Variants in UMAD1 observed in about 807,000 individuals in gnomAD.
UMAD1 encodes the protein UBAP1-MVB12-associated (UMA)-domain containing protein 1.
Under a neutral mutation model 6.1 loss-of-function variants are expected in UMAD1, and 8 were observed. The observed-to-expected ratio is 1.30, with a 90% CI of 0.76 to 2.35. UMAD1 has a LOEUF of 2.35. UMAD1 is among the 30% of genes most tolerant of loss of function. The pLI is 0.00. For synonymous variants in UMAD1, 56 were observed against 31.4 expected, an observed-to-expected ratio of 1.78 and a Z score of -2.61; for missense variants, 130 against 78.4, an observed-to-expected ratio of 1.66 and a Z score of -2.49.
At chr7:7,731,336 G>A (rs1450196090) in intron 2 of UMAD1, among the ~76,000 whole-genome samples, 2 of 152,110 alleles carry the variant, frequency 1.3e-5, no homozygotes. Flanking sequence ...TATTGTAGTA[G>A]TGCAGGGCAT....
intron 3 of UMAD1, among the ~76,000 whole-genome samples, chr7:7,809,236 A>G (rs1782979326): frequency 6.6e-6 from 1 of 151,966 alleles, no homozygotes; most frequent in African/African-American, 2.4e-5. Flanking sequence ...TTTCAAACAC[A>G]CTTCTCAATT....
At chr7:7,661,563 G>A (rs749175483) in intron 1 of UMAD1, among the ~76,000 whole-genome samples, 17 of 152,094 alleles carry the variant, frequency 1.1e-4, no homozygotes, top group Non-Finnish European at 1.9e-4. Context: ...TGACAGGCCC[G>A]TGTGCTGCAG....
intron 3 of UMAD1, among the ~76,000 whole-genome samples, chr7:7,806,161 AACTAGGTC>A (rs1782909047): frequency 6.6e-6 from 1 of 152,138 alleles, no homozygotes; most frequent in Non-Finnish European, 1.5e-5. Flanking sequence ...CTCCTACACC[AACTAGGTC>A]CTCATCTGTT....
rs1370640613 is a variant in UMAD1 at position 7,878,495 on chromosome 7, T to TA, written c.*958dup. 1 of 152,230 alleles carries TA rather than the reference T, an allele frequency of 6.6e-6. No individual in the cohort carries two copies. The highest frequency in any genetic ancestry group is 1.5e-5 in the Non-Finnish European group (1 of 68,034). 9.4% of individuals were successfully genotyped at this position (152,230 alleles called of 1,614,324 possible). On this transcript the variant is annotated 3_prime_UTR_variant, in exon 4 of 4. Transcript: ENST00000682710. The stretch of plus-strand genomic sequence containing the variant: ...TTAGAGTATAGGCAGAACACCTAGA[T>TA]ATGACTTTTAGTTCTTGAATATCCA...
chr7:7,738,832 G>A (rs1030494871), intron 2 of UMAD1: 2 of 152,226 alleles, frequency 1.3e-5, no homozygotes, highest in African/African-American at 4.8e-5. Flanking sequence ...CAGGTGCCTT[G>A]ACATGGCTGC....
In UMAD1 at chr7:7,877,289, A is replaced by G; in HGVS notation, c.165A>G (p.Lys55=). ...IEANQPLETN[K]ENSSSVTVSD... ...AATGTATGTATTTTTAGACCAACAA[A>G]GAAAATTCATCCAGTGTGACTGTAT... The change falls in exon 4 of 4, where the codon AAA becomes AAG. Residue 55 remains lysine (K), a synonymous_variant. Coordinates refer to ENST00000682710, the MANE Select transcript of UMAD1 (RefSeq NM_001302348.2). 1.4e-6 allele frequency: 1 copy of G among 712,542 alleles called. No homozygotes were observed. The highest frequency in any genetic ancestry group is 1.7e-5 in the African/African-American group (1 of 57,312). 44.1% of individuals were successfully genotyped at this position (712,542 alleles called of 1,614,324 possible).
chr7:7,742,394 A>G, intron 2 of UMAD1: 1 of 585,262 alleles, frequency 1.7e-6, no homozygotes, highest in Non-Finnish European at 3.3e-6. Flanking sequence ...CCGGAGTCGC[A>G]GTGTCTTGGG....
At chr7:7,860,781 A>AC (rs376988389) in intron 3 of UMAD1, among the ~76,000 whole-genome samples, 70,126 of 147,710 alleles carry the variant, frequency 0.47, 18,029 homozygotes, top group African/African-American at 0.62. Flanking sequence ...TCTCAAAAAA[A>AC]AAAAAAATAA....
At chr7:7,782,614 G>A (rs10282628) in intron 2 of UMAD1, among the ~76,000 whole-genome samples, 55,791 of 151,710 alleles carry the variant, frequency 0.37, 11,148 homozygotes, top group African/African-American at 0.54. Context: ...TTAAGTACCT[G>A]TAAACTTGAA....
rs6959527 is a variant in UMAD1 at position 7,754,591 on chromosome 7, C to A, written c.83-47079C>A. ...TGTTCAGTAGGGTGGTGTGCACTAA[C>A]CAGCCACATGTAGCTATGGAGAACT... On this transcript the variant is annotated intron_variant, in intron 2 of 3. Coordinates refer to ENST00000682710, the MANE Select transcript of UMAD1 (RefSeq NM_001302348.2). Among the ~76,000 whole-genome samples the A allele has an allele frequency of 4.3e-3, 653 of 152,242 alleles. 3 individuals carry two copies. Among genetic ancestry groups the A allele is most frequent in the African/African-American group, 0.015 (618 of 41,548 alleles).
intron 2 of UMAD1, among the ~76,000 whole-genome samples, chr7:7,787,434 C>G (rs1246699476): frequency 6.6e-6 from 1 of 152,088 alleles, no homozygotes; most frequent in Non-Finnish European, 1.5e-5. Flanking sequence ...TATAGTACTG[C>G]TTTGAAAATA....
intron 2 of UMAD1, among the ~76,000 whole-genome samples, chr7:7,795,976 T>G (rs972653499): frequency 6.6e-6 from 1 of 152,104 alleles, no homozygotes; most frequent in African/African-American, 2.4e-5. Flanking sequence ...AAGCCTCATT[T>G]TATCCAGATC....
intron 3 of UMAD1, among the ~76,000 whole-genome samples, chr7:7,855,303 A>T (rs1434578350): frequency 6.6e-6 from 1 of 152,210 alleles, no homozygotes; most frequent in African/African-American, 2.4e-5. Context: ...TCCCTTCTGC[A>T]CTGCCCTAGC....
intron 1 of UMAD1, among the ~76,000 whole-genome samples, chr7:7,660,039 C>A (rs902128559): frequency 2.6e-5 from 4 of 152,156 alleles, no homozygotes; most frequent in African/African-American, 4.8e-5. Context: ...TGCATTGATC[C>A]CTTTACCATT....
rs932778810 is a variant in UMAD1 at position 7,871,615 on chromosome 7, A to G, written c.157-5666A>G. Among the ~76,000 whole-genome samples the G allele has an allele frequency of 3.3e-5, 5 of 152,138 alleles. No individual in the cohort carries two copies. In the South Asian group the frequency reaches 1.0e-3, roughly 32 times the overall value. ...ATATGCTAGTTGCTGTCTTGTCATCATTGTCATCCTAGTTGTCTTCATCAT... is the reference window on the plus strand; with the variant it reads ...ATATGCTAGTTGCTGTCTTGTCATCGTTGTCATCCTAGTTGTCTTCATCAT... On this transcript the variant is annotated intron_variant, in intron 3 of 3. Transcript: ENST00000682710.
intron 2 of UMAD1, among the ~76,000 whole-genome samples, chr7:7,710,657 A>G (rs939118655): frequency 1.3e-5 from 2 of 152,228 alleles, no homozygotes; most frequent in African/African-American, 4.8e-5. Flanking sequence ...GAAAAGCTGA[A>G]TATGCAGTTA....
At chr7:7,683,638 T>C (rs376046411) in intron 2 of UMAD1, among the ~76,000 whole-genome samples, 1 of 152,092 alleles carries the variant, frequency 6.6e-6, no homozygotes, top group Non-Finnish European at 1.5e-5. Flanking sequence ...TTTCTTTTTT[T>C]TAGACGGAGT....
At chr7:7,871,470 A>G (rs1348812446) in intron 3 of UMAD1, among the ~76,000 whole-genome samples, 1 of 152,192 alleles carries the variant, frequency 6.6e-6, no homozygotes, top group Non-Finnish European at 1.5e-5. Context: ...TCTGTGCCTC[A>G]GTTTCCTCTT....
intron 3 of UMAD1, among the ~76,000 whole-genome samples, chr7:7,834,016 C>CTTTTTTTT (rs4034895): frequency 9.1e-6 from 1 of 110,446 alleles, no homozygotes; most frequent in Admixed American, 9.6e-5. Context: ...TTTTTCTTTT[C>CTTTTTTTT]TTTTTTTTTT....
Sources: allele counts gnomAD v4.1 joint callset (sites outside exome capture counted in the v4.1 genomes callset), GRCh38; gene constraint gnomAD v4.1.1; transcripts MANE v1.5; gene names NCBI Gene and HGNC (gene_info 2026-07-23, HGNC 2026-07-21).